The following HSP90B1 variants were observed in gnomAD, a reference collection of about 807,000 sequenced individuals.
HSP90B1 encodes the protein heat shock protein 90 beta family member 1.
A neutral mutation model predicts 100.4 loss-of-function variants in HSP90B1; 27 were observed. The observed-to-expected ratio is 0.27, with a 90% CI of 0.20 to 0.37. HSP90B1 has a LOEUF of 0.37. HSP90B1 is among the 10% of genes least tolerant of loss of function. The probability of loss-of-function intolerance (pLI) is 1.00; values close to 1 mark genes in which losing one functional copy is unlikely to be tolerated. For missense variants in HSP90B1, 678 were observed against 960.5 expected (o/e 0.71, Z 3.89); for synonymous variants, 304 against 330.8 (o/e 0.92, Z 0.88).
At chr12:103,935,389 T>A (rs1231223782) in intron 5 of HSP90B1, among the ~76,000 whole-genome samples, 3 of 152,166 alleles carry the variant, frequency 2.0e-5, no homozygotes, top group Admixed American at 2.0e-4. Context: ...AAATTCTATT[T>A]CAGAGGTCAG....
At chr12:103,945,085 T>C (rs1870188694) in intron 14 of HSP90B1, among the ~76,000 whole-genome samples, 1 of 152,242 alleles carries the variant, frequency 6.6e-6, no homozygotes, top group Non-Finnish European at 1.5e-5. Flanking sequence ...AGACTTACTA[T>C]GTCCATGCAC....
chr12:103,940,434 C>T (rs1259324595), intron 8 of HSP90B1, among the ~76,000 whole-genome samples: 1 of 152,018 alleles, frequency 6.6e-6, no homozygotes, highest in Non-Finnish European at 1.5e-5. Flanking sequence ...GTTTCCCCAG[C>T]AGCATTTAGT....
In HSP90B1 at chr12:103,941,737, A is replaced by G. The variant is rs1463350666; in HGVS notation, c.1308+31A>G. On this transcript the variant is annotated intron_variant, in intron 10 of 17. Transcript: ENST00000299767. ...TATCTGAAGTTTGGGAGAAGGGGTG[A>G]TTGTTGTGGGGGTCTGGCAGTGTAG... The G allele has an allele frequency of 1.9e-6, 3 of 1,606,798 alleles. No individual in the cohort carries two copies. The South Asian group carries it at 3.3e-5, about 18-fold the overall frequency.
rs1252238169 is a variant in HSP90B1, at chr12:103,938,331, T to C, written c.856-9T>C. ...AATGAGTTTAACCATAATTCTCTTA[T>C]TTCAACAGACTGAAACTGTTGAGGA... On this transcript the variant is annotated splice_polypyrimidine_tract_variant and intron_variant, in intron 6 of 17. Coordinates refer to ENST00000299767, the MANE Select transcript of HSP90B1 (RefSeq NM_003299.3). The C allele has an allele frequency of 4.6e-6, 7 of 1,536,288 alleles. No homozygotes were observed. Among genetic ancestry groups the C allele is most frequent in the Non-Finnish European group, 6.1e-6 (7 of 1,140,902 alleles).
At position 103,932,846 on chromosome 12, in the gene HSP90B1, T is replaced by G. The variant is rs1362809151; in HGVS notation, c.315T>G (p.Ile105Met). ...TTTAGATTTTCCTGAGAGAACTGAT[T>G]TCAAATGCTTCTGATGCTTTAGATA... ...KNKEIFLREL[I>M]SNASDALDKI... is the part of the protein sequence containing the mutation. The change falls in exon 4 of 18, where the codon ATT (isoleucine) becomes ATG (methionine). Residue 105 changes from isoleucine to methionine, a missense_variant. Around this residue, in one of 8 missense-constraint regions of HSP90B1, gnomAD observed 238 missense variants for 346.7 expected, o/e 0.69. Coordinates refer to ENST00000299767, the MANE Select transcript of HSP90B1 (RefSeq NM_003299.3). 1.3e-6 allele frequency: 2 copies of G among 1,591,154 alleles called. No homozygotes were observed. The highest frequency in any genetic ancestry group is 2.7e-5 in the African/African-American group (2 of 74,496).
chr12:103,935,418 C>CT (rs985981992), intron 5 of HSP90B1, among the ~76,000 whole-genome samples: 12 of 151,980 alleles, frequency 7.9e-5, no homozygotes, highest in Admixed American at 2.6e-4. Context: ...CCAACTCCTG[C>CT]TAAGTGAGTA....
At chr12:103,931,686 CT>C in intron 2 of HSP90B1, 63 bp downstream of exon 2, 1 of 1,141,576 alleles carries the variant, frequency 8.8e-7, no homozygotes, top group Non-Finnish European at 1.3e-6. Context: ...GTTACGGTCA[CT>C]TCTTATGTAT....
chr12:103,931,476 T>G, intron 1 of HSP90B1, 45 bp from the exon 2 acceptor site: 3 of 1,445,878 alleles, frequency 2.1e-6, no homozygotes, highest in Non-Finnish European at 1.9e-6. Flanking sequence ...TCATCCTCCT[T>G]GGAGAAGTGT....
chr12:103,944,744 C>T (rs568091700), intron 14 of HSP90B1, among the ~76,000 whole-genome samples: 6 of 152,214 alleles, frequency 3.9e-5, no homozygotes, highest in South Asian at 2.1e-4. Context: ...TTAGTAGAGA[C>T]GGTGTTTCAC....
chr12:103,946,252 G>A (rs1438187195), intron 14 of HSP90B1, among the ~76,000 whole-genome samples: 1 of 152,112 alleles, frequency 6.6e-6, no homozygotes, highest in African/African-American at 2.4e-5. Flanking sequence ...TCGTCCTTAG[G>A]TGTATGAGGG....
At position 103,930,628 on chromosome 12, in the gene HSP90B1, G is replaced by A; in HGVS notation, c.49+64G>A. On this transcript the variant is annotated intron_variant, in intron 1 of 17. Transcript: ENST00000299767. The surrounding 1 kb of genome is among the most constrained non-coding windows in gnomAD (Gnocchi z 4.4). ...CACGCGGCCGCTTCTCGAAGGTCCT[G>A]GGGGCGTTGAACGTGGGAGGGGGGA... The A allele has an allele frequency of 6.6e-7, 1 of 1,522,788 alleles. No homozygotes were observed. The highest frequency in any genetic ancestry group is 2.0e-5 in the Admixed American group (1 of 50,146). The allele number at this position is 1,522,788 out of a possible 1,614,324, so 94.3% of individuals were successfully genotyped here. A position where few individuals can be genotyped will look rare whatever the true frequency, so the allele number is the denominator to read the frequency against.
At position 103,941,842 on chromosome 12, in the gene HSP90B1, A is replaced by G; in HGVS notation, c.1319A>G (p.Asp440Gly). 1.2e-6 allele frequency: 2 copies of G among 1,613,882 alleles called. No homozygotes were observed. Among genetic ancestry groups the G allele is most frequent in the East Asian group, 4.5e-5 (2 of 44,880 alleles). ...TTTTGCCATCTGAAGGTGGACTCAG[A>G]TGATCTCCCCTTGAATGTTTCCCGC... ...LNFVKGVVDSDDLPLNVSRET... is the reference protein window; with the variant it reads ...LNFVKGVVDSGDLPLNVSRET... The change falls in exon 11 of 18, where the codon GAT becomes GGT. Residue 440 changes from aspartate to glycine, a missense_variant. Around this residue, in one of 8 missense-constraint regions of HSP90B1, gnomAD observed 44 missense variants for 110.8 expected, o/e 0.40. Coordinates refer to ENST00000299767, the MANE Select transcript of HSP90B1 (RefSeq NM_003299.3).
intron 16 of HSP90B1, 56 bp from the exon 17 acceptor site, chr12:103,947,255 T>C: frequency 1.3e-6 from 2 of 1,527,234 alleles, no homozygotes; most frequent in Non-Finnish European, 1.7e-6. Context: ...TACATATAAA[T>C]GAGCAAAGTG....
At chr12:103,941,761 A>G in intron 10 of HSP90B1, 55 bp downstream of exon 10, 1 of 1,601,042 alleles carries the variant, frequency 6.2e-7, no homozygotes, top group Non-Finnish European at 8.6e-7. Context: ...CTGGCAGTGT[A>G]GAGTGTTTGT....
chr12:103,930,667 G>T lies in HSP90B1; in HGVS notation c.49+103G>T. On this transcript the variant is annotated intron_variant, in intron 1 of 17. Transcript: ENST00000299767. This position sits in a 1 kb window ranked among gnomAD's most constrained non-coding sequence, Gnocchi z 4.4. ...TGGGAGGGGGGATCCCGGGGCCTGC[G>T]GTGGGCCAAGGGACGTCACCATTCC... 9.4e-7 allele frequency: 1 copy of T among 1,067,942 alleles called. No individual in the cohort carries two copies. Among genetic ancestry groups the T allele is most frequent in the Non-Finnish European group, 1.4e-6 (1 of 728,418 alleles). The allele number at this position is 1,067,942 out of a possible 1,614,324, so 66.2% of individuals were successfully genotyped here.
rs1245612508 is a variant in HSP90B1 at position 103,932,412 on chromosome 12, T to C, written c.288T>C (p.Asn96=). The C allele has an allele frequency of 6.2e-7, 1 of 1,610,410 alleles. No individual in the cohort carries two copies. The highest frequency in any genetic ancestry group is 1.1e-5 in the South Asian group (1 of 90,172). The change falls in exon 3 of 18, where the codon AAT becomes AAC. Residue 96 remains asparagine (N), a synonymous_variant. Transcript: ENST00000299767. ...TTATCATCAATTCATTGTATAAAAATAAAGAGGTAAGCAACATGTGGTTAG... is the reference window on the plus strand; with the variant it reads ...TTATCATCAATTCATTGTATAAAAACAAAGAGGTAAGCAACATGTGGTTAG... ...MKLIINSLYK[N]KEIFLRELIS...
chr12:103,932,736 A>G (rs1869803879), intron 3 of HSP90B1, 90 bp from the exon 4 acceptor site: 4 of 767,782 alleles, frequency 5.2e-6, no homozygotes, highest in South Asian at 1.5e-5. Flanking sequence ...TATAAGGTAC[A>G]GAGAAGAAAT....
At chr12:103,947,086 A>C in intron 16 of HSP90B1, 145 bp downstream of exon 16, 1 of 1,076,062 alleles carries the variant, frequency 9.3e-7, no homozygotes, top group East Asian at 2.4e-5. Context: ...GAATGTTTGA[A>C]TCCCTGTAGT....
In HSP90B1 at chr12:103,943,666, C is replaced by A; in HGVS notation, c.1891-72C>A. ...TGATCTTAAGTGATAAAGTCTTAGA[C>A]AGTTGAAAGACAATTGCTCAATGAC... On this transcript the variant is annotated intron_variant, in intron 13 of 17. Transcript: ENST00000299767. The surrounding 1 kb of genome is among the most constrained non-coding windows in gnomAD (Gnocchi z 5.3). 2.1e-6 allele frequency: 3 copies of A among 1,411,858 alleles called. No individual in the cohort carries two copies. The highest frequency in any genetic ancestry group is 9.8e-7 in the Non-Finnish European group (1 of 1,025,066). 87.5% of individuals were successfully genotyped at this position (1,411,858 alleles called of 1,614,324 possible). A position where few individuals can be genotyped will look rare whatever the true frequency, so the allele number is the denominator to read the frequency against.
Sources: allele counts gnomAD v4.1 joint callset (sites outside exome capture counted in the v4.1 genomes callset), GRCh38; gene constraint gnomAD v4.1.1; regional missense constraint gnomAD v4.1.1; non-coding constraint Gnocchi (gnomAD v3.1); transcripts MANE v1.5; gene names NCBI Gene and HGNC (gene_info 2026-07-23, HGNC 2026-07-21).